Variants in AAGAB observed in about 807,000 individuals in gnomAD.
AAGAB encodes the protein alpha and gamma adaptin binding protein.
In AAGAB, 38 loss-of-function variants were observed where a neutral mutation model predicts 44.1. The observed-to-expected ratio is 0.86, with a 90% confidence interval of 0.67 to 1.13. The LOEUF (loss-of-function observed/expected upper bound fraction) is 1.13, where lower values mean the gene tolerates loss of function less well. AAGAB is among the 50% of genes most tolerant of loss of function. The pLI is 0.00. For missense variants in AAGAB, 450 were observed against 373.8 expected, an observed-to-expected ratio of 1.20 and a Z score of -1.68; for synonymous variants, 131 against 131.8, an observed-to-expected ratio of 0.99 and a Z score of 0.04.
chr15:67,252,035 T>C (rs1964884419), intron 1 of AAGAB, among the ~76,000 whole-genome samples: 1 of 152,240 alleles, frequency 6.6e-6, no homozygotes, highest in South Asian at 2.1e-4. Flanking sequence ...GGAAAGGTCA[T>C]CTGATCTTAA....
At chr15:67,228,846 C>T (rs1479139517) in intron 5 of AAGAB, among the ~76,000 whole-genome samples, 1 of 152,080 alleles carries the variant, frequency 6.6e-6, no homozygotes, top group African/African-American at 2.4e-5. Context: ...CAGCTGGAGG[C>T]CATAATCCTA....
chr15:67,206,662 T>C (rs1963692098), intron 7 of AAGAB, among the ~76,000 whole-genome samples: 1 of 152,226 alleles, frequency 6.6e-6, no homozygotes, highest in South Asian at 2.1e-4. Flanking sequence ...CCCAATACTA[T>C]ATTAATCTAC....
chr15:67,247,164 A>G (rs768958550), intron 1 of AAGAB, among the ~76,000 whole-genome samples: 2 of 152,116 alleles, frequency 1.3e-5, no homozygotes, highest in African/African-American at 2.4e-5. Context: ...TTCACTCCTG[A>G]AGTCAGCGAG....
intron 1 of AAGAB, among the ~76,000 whole-genome samples, chr15:67,239,485 A>G (rs768478879): frequency 2.0e-5 from 3 of 152,232 alleles, no homozygotes; most frequent in South Asian, 4.1e-4. Context: ...AATGGAACCA[A>G]TAAGTTGGGA....
chr15:67,255,193 G>T, upstream of AAGAB: 1 of 562,246 alleles, frequency 1.8e-6, no homozygotes, highest in Non-Finnish European at 3.2e-6. Context: ...CTCTAAAACC[G>T]TTCACCCGGA....
chr15:67,224,756 T>G (rs780909028), intron 5 of AAGAB, among the ~76,000 whole-genome samples: 1 of 152,036 alleles, frequency 6.6e-6, no homozygotes, highest in Non-Finnish European at 1.5e-5. Flanking sequence ...AACTTTTGTA[T>G]TTTTTGTAGA....
intron 7 of AAGAB, among the ~76,000 whole-genome samples, chr15:67,207,858 TC>T (rs1555416307): frequency 1.1e-4 from 2 of 17,560 alleles, no homozygotes; most frequent in Non-Finnish European, 4.7e-4. Context: ...CATAATTTTT[TC>T]TTCTTCTTCA....
chr15:67,235,884 A>T, intron 4 of AAGAB, 95 bp downstream of exon 4: 1 of 960,688 alleles, frequency 1.0e-6, no homozygotes, highest in Non-Finnish European at 1.6e-6. Context: ...CTGGGGAAAA[A>T]AGTTTCTTGA....
At chr15:67,204,347 A>G (rs1595977342) in intron 7 of AAGAB, among the ~76,000 whole-genome samples, 199 bp from the exon 8 acceptor site, 1 of 152,252 alleles carries the variant, frequency 6.6e-6, no homozygotes, top group East Asian at 1.9e-4. Context: ...TTATCCTCAC[A>G]ACATCGTCAT....
At chr15:67,203,662 A>C in intron 8 of AAGAB, 65 bp from the exon 9 acceptor site, 1 of 1,379,128 alleles carries the variant, frequency 7.3e-7, no homozygotes. Flanking sequence ...GTATATGAAT[A>C]ACACTAGAAG....
intron 1 of AAGAB, 33 bp downstream of exon 1, chr15:67,254,526 C>G (rs1965021545): frequency 1.3e-6 from 2 of 1,580,896 alleles, no homozygotes; most frequent in South Asian, 2.3e-5. Context: ...GCTCAGGGGC[C>G]TTGGAGGTCG....
At chr15:67,254,971 C>A, upstream of AAGAB, 1 of 1,606,558 alleles carries the variant, frequency 6.2e-7, no homozygotes, top group South Asian at 1.1e-5. Flanking sequence ...TTCCCCCGGC[C>A]CTGCCCTGCC....
chr15:67,241,052 C>CACACACAT (rs1964586264), intron 1 of AAGAB, among the ~76,000 whole-genome samples: 1 of 151,610 alleles, frequency 6.6e-6, no homozygotes, highest in African/African-American at 2.4e-5. Flanking sequence ...CACACACACA[C>CACACACAT]ACACACACAC....
At chr15:67,247,515 A>C (rs1293739088) in intron 1 of AAGAB, among the ~76,000 whole-genome samples, 1 of 152,368 alleles carries the variant, frequency 6.6e-6, no homozygotes, top group Non-Finnish European at 1.5e-5. Context: ...AGAACCCTCC[A>C]GGATGATAAA....
At chr15:67,253,269 G>A (rs1372327423) in intron 1 of AAGAB, among the ~76,000 whole-genome samples, 1 of 147,692 alleles carries the variant, frequency 6.8e-6, no homozygotes. Context: ...ACGGGGGGGG[G>A]GGGGGGCAAT....
chr15:67,212,832 A>G (rs545495219), intron 5 of AAGAB, among the ~76,000 whole-genome samples: 8 of 152,338 alleles, frequency 5.3e-5, no homozygotes, highest in Non-Finnish European at 1.0e-4. Context: ...TTCCATCCAC[A>G]TGCACTCACT....
chr15:67,243,300 C>T (rs1313394782), intron 1 of AAGAB, among the ~76,000 whole-genome samples: 1 of 152,098 alleles, frequency 6.6e-6, no homozygotes, highest in African/African-American at 2.4e-5. Flanking sequence ...AAACATCAGC[C>T]TCTAAGTTTT....
intron 1 of AAGAB, among the ~76,000 whole-genome samples, chr15:67,239,729 C>T (rs182695720): frequency 1.2e-3 from 177 of 152,214 alleles, no homozygotes; most frequent in African/African-American, 3.9e-3. Flanking sequence ...ATTCTTATTA[C>T]CAATATCATA....
rs1269567657 is a variant in AAGAB, at chr15:67,202,309, A to G, written c.*512T>C. 3 of 153,632 alleles carry G rather than the reference A, an allele frequency of 2.0e-5. No homozygotes were observed. The highest frequency in any genetic ancestry group is 2.9e-5 in the Non-Finnish European group (2 of 68,906). The allele number at this position is 153,632 out of a possible 1,614,324, so 9.5% of individuals were successfully genotyped here. ...GGTAGAGACTTAGCTGCGGGCTGAG[A>G]CTTCGGCCCCACATAGCTCACATCA... On this transcript the variant is annotated 3_prime_UTR_variant, in exon 10 of 10. Transcript: ENST00000261880.
Sources: allele counts gnomAD v4.1 joint callset (sites outside exome capture counted in the v4.1 genomes callset), GRCh38; gene constraint gnomAD v4.1.1; transcripts MANE v1.5; gene names NCBI Gene and HGNC (gene_info 2026-07-23, HGNC 2026-07-21).